Variants in ABTB2 observed in about 807,000 individuals in gnomAD.
The protein encoded by ABTB2 is ankyrin repeat and BTB/POZ domain-containing protein 2.
In ABTB2, 56 loss-of-function variants were observed where a neutral mutation model predicts 104.1. The ratio of observed to expected loss-of-function variants is 0.54; its 90% CI spans 0.43 to 0.67. The LOEUF is 0.67. Among genes scored for constraint, ABTB2 ranks in the 30% least tolerant of loss-of-function variants. The pLI, the probability that ABTB2 is intolerant of heterozygous loss-of-function variation, is 0.00. For synonymous variants in ABTB2, 606 were observed against 608.2 expected, an observed-to-expected ratio of 1.00 and a Z score of 0.05; for missense variants, 1,279 against 1,407.7, an observed-to-expected ratio of 0.91 and a Z score of 1.46.
Position 34,166,745 on chromosome 11 carries a change from C to T in ABTB2, c.1755+514G>A, listed in dbSNP as rs537920524. On this transcript the variant is annotated intron_variant, in intron 7 of 16. Coordinates refer to ENST00000435224, the MANE Select transcript of ABTB2 (RefSeq NM_145804.3). ...GCTTCTAGAACCACCACTGTCCCCACGCCAGCACAGCTACCTGAGCTGAGG... is the reference window on the plus strand; with the variant it reads ...GCTTCTAGAACCACCACTGTCCCCATGCCAGCACAGCTACCTGAGCTGAGG... Among the ~76,000 whole-genome samples, 49 of 152,344 alleles carry T rather than the reference C, an allele frequency of 3.2e-4. 1 individual carries two copies. The South Asian group carries it at 4.1e-3, about 13-fold the overall frequency.
intron 1 of ABTB2, among the ~76,000 whole-genome samples, chr11:34,267,626 C>G (rs1854266807): frequency 2.0e-5 from 3 of 152,220 alleles, no homozygotes. Context: ...AAAGGAATCA[C>G]CCTAGTGGGG....
At chr11:34,309,683 T>C (rs1161410347) in intron 1 of ABTB2, among the ~76,000 whole-genome samples, 3 of 151,880 alleles carry the variant, frequency 2.0e-5, no homozygotes, top group East Asian at 1.9e-4. Flanking sequence ...TTCAAAACCA[T>C]TGGAGAAAAG....
chr11:34,330,887 C>T (rs905644105), intron 1 of ABTB2, among the ~76,000 whole-genome samples: 3 of 152,258 alleles, frequency 2.0e-5, no homozygotes, highest in Non-Finnish European at 4.4e-5. Flanking sequence ...TCCAGAGCTA[C>T]ATCTGCAAAA....
At chr11:34,200,015 C>T (rs1187757097) in intron 2 of ABTB2, among the ~76,000 whole-genome samples, 1 of 152,190 alleles carries the variant, frequency 6.6e-6, no homozygotes, top group Non-Finnish European at 1.5e-5. Flanking sequence ...AGATCCCAAC[C>T]CTGCCCTTGG....
At chr11:34,228,458 C>T (rs1171457212) in intron 1 of ABTB2, among the ~76,000 whole-genome samples, 1 of 152,096 alleles carries the variant, frequency 6.6e-6, no homozygotes, top group African/African-American at 2.4e-5. Context: ...GATCTTGGCT[C>T]ACTGCAACCT....
chr11:34,211,356 G>A (rs1354138681), intron 1 of ABTB2, among the ~76,000 whole-genome samples: 1 of 152,042 alleles, frequency 6.6e-6, no homozygotes, highest in Non-Finnish European at 1.5e-5. Context: ...CAATCTGCCC[G>A]CCTCAGCTTC....
In ABTB2 at chr11:34,356,681, T is replaced by A; in HGVS notation, c.883+20A>T. 1.3e-6 allele frequency: 2 copies of A among 1,554,734 alleles called. No homozygotes were observed. The highest frequency in any genetic ancestry group is 1.4e-5 in the African/African-American group (1 of 74,056). ...ATTTCTTGCCTACCCAGTCTGCCAGTCCGAGGCCCGCGCGCTTACCATTGG... is the reference window on the plus strand; with the variant it reads ...ATTTCTTGCCTACCCAGTCTGCCAGACCGAGGCCCGCGCGCTTACCATTGG... On this transcript the variant is annotated intron_variant, in intron 1 of 16. Coordinates refer to ENST00000435224, the MANE Select transcript of ABTB2 (RefSeq NM_145804.3). The surrounding 1 kb of genome is among the most constrained non-coding windows in gnomAD (Gnocchi z 4.6).
chr11:34,301,574 C>G (rs966035526), intron 1 of ABTB2, among the ~76,000 whole-genome samples: 9 of 152,216 alleles, frequency 5.9e-5, no homozygotes, highest in African/African-American at 2.2e-4. Context: ...ATTTTGTTCT[C>G]TGAATAACAC....
rs759487474 is a variant in ABTB2 at position 34,152,528 on chromosome 11, C to A, written c.2937G>T (p.Met979Ile). 8 of 1,612,244 alleles carry A rather than the reference C, an allele frequency of 5.0e-6. No individual in the cohort carries two copies. In the East Asian group the frequency reaches 8.9e-5, roughly 18 times the overall value. ...LFCEGFFLKH[M>I]KALLEQDAFR... Reference sequence around the variant, plus strand: ...AGGCATCCTGCTCCAGTAGGGCCTTCATGTGCTTGAGGAAGAAGCCCTCAC... The same window carrying A: ...AGGCATCCTGCTCCAGTAGGGCCTTAATGTGCTTGAGGAAGAAGCCCTCAC... The change falls in exon 17 of 17, where the codon ATG (methionine) becomes ATT (isoleucine). Residue 979 changes from methionine to isoleucine, a missense_variant. Coordinates refer to ENST00000435224, the MANE Select transcript of ABTB2 (RefSeq NM_145804.3).
intron 1 of ABTB2, among the ~76,000 whole-genome samples, chr11:34,225,151 C>T (rs1853670271): frequency 6.6e-6 from 1 of 152,186 alleles, no homozygotes; most frequent in African/African-American, 2.4e-5. Flanking sequence ...ATTCATGACA[C>T]CCGTCTCCTC....
intron 1 of ABTB2, among the ~76,000 whole-genome samples, chr11:34,307,649 C>T (rs1192238658): frequency 1.3e-5 from 2 of 151,794 alleles, no homozygotes; most frequent in African/African-American, 4.8e-5. Flanking sequence ...CTCTCTTGGT[C>T]TGATTCTTAT....
intron 1 of ABTB2, among the ~76,000 whole-genome samples, chr11:34,283,240 G>T (rs35982959): frequency 0.056 from 8,541 of 151,542 alleles, 719 homozygotes; most frequent in African/African-American, 0.19. Flanking sequence ...TTTTGAGATG[G>T]AATCTCGCTC....
At chr11:34,289,851 A>G (rs1477513323) in intron 1 of ABTB2, among the ~76,000 whole-genome samples, 1 of 152,202 alleles carries the variant, frequency 6.6e-6, no homozygotes, top group Non-Finnish European at 1.5e-5. Flanking sequence ...GGCAACCAGT[A>G]TCCCAGAAAC....
At chr11:34,288,374 C>T (rs78563663) in intron 1 of ABTB2, among the ~76,000 whole-genome samples, 5,725 of 152,238 alleles carry the variant, frequency 0.038, 251 homozygotes, top group Admixed American at 0.14. Context: ...CACCTAAAAA[C>T]ACCCCATTGC....
intron 1 of ABTB2, among the ~76,000 whole-genome samples, chr11:34,347,002 A>C (rs768120740): frequency 6.6e-6 from 1 of 152,236 alleles, no homozygotes; most frequent in South Asian, 2.1e-4. Flanking sequence ...GTTTTCGTGC[A>C]CTGAGAGGCC....
At chr11:34,234,900 C>G (rs10836162) in intron 1 of ABTB2, among the ~76,000 whole-genome samples, 44,362 of 152,136 alleles carry the variant, frequency 0.29, 7,042 homozygotes, top group Admixed American at 0.38. Context: ...CTCCTTCGCC[C>G]AGGCTGGAGT....
chr11:34,152,318 A>G lies in ABTB2; in HGVS notation c.*69T>C. 2 of 1,497,426 alleles carry G rather than the reference A, an allele frequency of 1.3e-6. No individual in the cohort carries two copies. The highest frequency in any genetic ancestry group is 1.8e-6 in the Non-Finnish European group (2 of 1,117,920). The allele number at this position is 1,497,426 out of a possible 1,614,324, so 92.8% of individuals were successfully genotyped here. A position where few individuals can be genotyped will look rare whatever the true frequency, so the allele number is the denominator to read the frequency against. Reference sequence around the variant, plus strand: ...GAACCTGGCTCCAAGAGGGCCTACAACCATACCCCGACATGGTGGGCCCTG... The same window carrying G: ...GAACCTGGCTCCAAGAGGGCCTACAGCCATACCCCGACATGGTGGGCCCTG... On this transcript the variant is annotated 3_prime_UTR_variant, in exon 17 of 17. Coordinates refer to ENST00000435224, the MANE Select transcript of ABTB2 (RefSeq NM_145804.3).
At chr11:34,174,411 T>C (rs1016780435) in intron 3 of ABTB2, among the ~76,000 whole-genome samples, 7 of 150,152 alleles carry the variant, frequency 4.7e-5, no homozygotes, top group Admixed American at 2.6e-4. Flanking sequence ...CGGGTCCGAG[T>C]ATCACTAAGA....
intron 1 of ABTB2, among the ~76,000 whole-genome samples, chr11:34,305,845 T>C (rs972591823): frequency 2.0e-5 from 3 of 152,212 alleles, no homozygotes; most frequent in African/African-American, 7.2e-5. Context: ...CCTCTATCAC[T>C]ATTTCAACAT....
Sources: gnomAD v4.1 joint callset for allele counts (sites outside exome capture counted in the v4.1 genomes callset) on GRCh38, gnomAD v4.1.1 for gene constraint, Gnocchi (gnomAD v3.1) non-coding constraint, MANE v1.5 for transcripts, NCBI Gene and HGNC (gene_info 2026-07-23, HGNC 2026-07-21) for gene names.